SNX18: variants seen among roughly 807,000 people sequenced by gnomAD.
SNX18 encodes sorting nexin-18.
Under a neutral mutation model 48.7 loss-of-function variants are expected in SNX18, and 35 were observed. The ratio of observed to expected loss-of-function variants is 0.72; its 90% CI spans 0.55 to 0.95. SNX18 has a LOEUF of 0.95. Ranked by LOEUF, SNX18 falls within the 40% of genes least tolerant of loss-of-function variation. The pLI is 0.00. For synonymous variants in SNX18, 492 were observed against 384.7 expected (o/e 1.28, Z -3.26); for missense variants, 824 against 871.0 (o/e 0.95, Z 0.68).
At chr5:54,577,190 T>C in the SNX18 span, among the ~76,000 whole-genome samples, 6 of 152,276 alleles carry the variant, frequency 3.9e-5, no homozygotes, top group African/African-American at 7.2e-5. Flanking sequence ...TTTTTAGCCA[T>C]GACACCTTGG....
chr5:54,594,425 G>T, the SNX18 span, among the ~76,000 whole-genome samples: 10 of 152,186 alleles, frequency 6.6e-5, no homozygotes, highest in African/African-American at 2.4e-4. Flanking sequence ...TCTTAGAAAG[G>T]CCTGCTTGGA....
chr5:54,574,750 G>A, the SNX18 span, among the ~76,000 whole-genome samples: 3 of 152,130 alleles, frequency 2.0e-5, no homozygotes, highest in Admixed American at 2.0e-4. Context: ...CATGTTTGGG[G>A]ATGTGTGTAG....
chr5:54,561,769 G>C, the SNX18 span, among the ~76,000 whole-genome samples: 3 of 152,286 alleles, frequency 2.0e-5, no homozygotes, highest in East Asian at 3.9e-4. Context: ...TGTTTGTTAT[G>C]TAGAAATAAT....
At chr5:54,568,398 G>A in the SNX18 span, among the ~76,000 whole-genome samples, 1 of 152,208 alleles carries the variant, frequency 6.6e-6, no homozygotes, top group African/African-American at 2.4e-5. Flanking sequence ...GGGATGCATA[G>A]ATGTTCTGCT....
chr5:54,640,809 C>A, the SNX18 span, among the ~76,000 whole-genome samples: 2 of 152,098 alleles, frequency 1.3e-5, no homozygotes, highest in Admixed American at 1.3e-4. Flanking sequence ...CCTGTAATCC[C>A]AGCACTTTGG....
chr5:54,623,094 G>C, the SNX18 span, among the ~76,000 whole-genome samples: 2 of 152,110 alleles, frequency 1.3e-5, no homozygotes, highest in African/African-American at 4.8e-5. Flanking sequence ...TTATGTTTTA[G>C]ATTGTGGGCT....
downstream of SNX18, among the ~76,000 whole-genome samples, chr5:54,551,251 A>G (rs1762652137): frequency 6.6e-6 from 1 of 152,196 alleles, no homozygotes; most frequent in African/African-American, 2.4e-5. Context: ...CAAAAATTCA[A>G]CAGCATTGGG....
chr5:54,580,768 G>C, the SNX18 span, among the ~76,000 whole-genome samples: 1 of 152,176 alleles, frequency 6.6e-6, no homozygotes. Flanking sequence ...CACAATCTCT[G>C]AAGGCAAGGA....
the SNX18 span, among the ~76,000 whole-genome samples, chr5:54,589,575 T>G: frequency 2.0e-4 from 30 of 152,174 alleles, 1 homozygote; most frequent in Admixed American, 6.5e-5. Context: ...GTACAAAGAA[T>G]TAGTCAGGTA....
the SNX18 span, among the ~76,000 whole-genome samples, chr5:54,571,298 G>A: frequency 2.6e-5 from 4 of 152,150 alleles, no homozygotes; most frequent in African/African-American, 4.8e-5. Context: ...TGTAAATTAC[G>A]AGGCTGCAAG....
At chr5:54,556,628 TG>T in the SNX18 span, among the ~76,000 whole-genome samples, 1 of 152,134 alleles carries the variant, frequency 6.6e-6, no homozygotes, top group Non-Finnish European at 1.5e-5. Context: ...CACAGATTCT[TG>T]GGTTCTGGGC....
chr5:54,536,929 G>T (rs984832461), intron 1 of SNX18, among the ~76,000 whole-genome samples: 5 of 152,200 alleles, frequency 3.3e-5, no homozygotes, highest in African/African-American at 1.2e-4. Context: ...ATTGTAACTG[G>T]TGTGAGATGA....
At position 54,517,923 on chromosome 5, in the gene SNX18, G is replaced by A. The variant is rs1450934341; in HGVS notation, c.-30G>A. On this transcript the variant is annotated 5_prime_UTR_variant, in exon 1 of 2. Coordinates refer to ENST00000381410, the MANE Select transcript of SNX18 (RefSeq NM_001102575.2). The stretch of plus-strand genomic sequence containing the variant: ...TGGGCCTCGGCTCGGGACGCCGGGA[G>A]TCGGGACCGCCAGTCGGGGCGCCGG... 3 of 1,485,838 alleles carry A rather than the reference G, an allele frequency of 2.0e-6. No individual in the cohort carries two copies. In the South Asian group the frequency reaches 3.8e-5, roughly 19 times the overall value. 92.0% of individuals were successfully genotyped at this position (1,485,838 alleles called of 1,614,324 possible). A position where few individuals can be genotyped will look rare whatever the true frequency, so the allele number is the denominator to read the frequency against.
At chr5:54,591,077 A>G in the SNX18 span, among the ~76,000 whole-genome samples, 1 of 152,156 alleles carries the variant, frequency 6.6e-6, no homozygotes, top group African/African-American at 2.4e-5. Context: ...AAGCACTGTC[A>G]GCTTCCATAA....
chr5:54,579,840 C>T, the SNX18 span, among the ~76,000 whole-genome samples: 1 of 152,188 alleles, frequency 6.6e-6, no homozygotes, highest in Non-Finnish European at 1.5e-5. Flanking sequence ...CATTTTCCTC[C>T]TTCTCAAGTT....
the SNX18 span, among the ~76,000 whole-genome samples, chr5:54,576,947 G>A: frequency 4.6e-5 from 7 of 151,974 alleles, no homozygotes; most frequent in East Asian, 1.9e-4. Flanking sequence ...GATTACGGGC[G>A]CCCACCACCA....
Position 54,519,509 on chromosome 5 carries a change from G to T in SNX18, c.1557G>T (p.Met519Ile). 1 of 1,614,246 alleles carries T rather than the reference G, an allele frequency of 6.2e-7. No homozygotes were observed. The highest frequency in any genetic ancestry group is 1.1e-5 in the South Asian group (1 of 91,092). Residue 519 changes from methionine to isoleucine, a missense_variant, in exon 1 of 2, where the codon ATG becomes ATT. Physicochemically the swap from Met to Ile is conservative, Grantham distance 10. Around this residue, in one of 3 missense-constraint regions of SNX18, gnomAD observed 443 missense variants for 503.6 expected, o/e 0.88. Coordinates refer to ENST00000381410, the MANE Select transcript of SNX18 (RefSeq NM_001102575.2). The stretch of plus-strand genomic sequence containing the variant: ...CCAGGCAGGACCTGGATCCCGTCAT[G>T]GACCTATTAGCGCTGTATCAGGGGC... ...EQPRQDLDPV[M>I]DLLALYQGHL...
At chr5:54,624,430 G>T in the SNX18 span, among the ~76,000 whole-genome samples, 1 of 152,172 alleles carries the variant, frequency 6.6e-6, no homozygotes, top group Admixed American at 6.5e-5. Context: ...TACTTTTCCT[G>T]ATGTATTTAC....
chr5:54,534,058 C>T (rs1446052903), intron 1 of SNX18, among the ~76,000 whole-genome samples: 1 of 151,988 alleles, frequency 6.6e-6, no homozygotes, highest in East Asian at 1.9e-4. Flanking sequence ...AAAAACAGGC[C>T]GAGTCCAGTC....
Sources: gnomAD v4.1 joint callset for allele counts (sites outside exome capture counted in the v4.1 genomes callset) on GRCh38, gnomAD v4.1.1 for gene constraint, gnomAD v4.1.1 regional missense constraint, MANE v1.5 for transcripts, NCBI Gene and HGNC (gene_info 2026-07-23, HGNC 2026-07-21) for gene names.